The following C3orf85 variants were observed in gnomAD, a reference collection of about 807,000 sequenced individuals.
C3orf85 encodes the protein chromosome 3 open reading frame 85, also known as uncharacterized protein C3orf85.
C3orf85 carries 1 observed loss-of-function variant against 1.7 expected under a neutral mutation model. That is an observed-to-expected ratio of 0.60 (90% CI 0.21 to 2.86). C3orf85 has a LOEUF of 2.86. C3orf85 is among the 30% of genes most tolerant of loss of function. C3orf85 has a pLI of 0.22. For synonymous variants in C3orf85, 17 were observed against 8.0 expected (o/e 2.13, Z -1.90); for missense variants, 29 against 21.3 (o/e 1.36, Z -0.72).
intron 2 of C3orf85, among the ~76,000 whole-genome samples, chr3:109,137,633 G>GTATA (rs1377271344): frequency 9.5e-5 from 5 of 52,464 alleles, no homozygotes; most frequent in East Asian, 1.0e-3. Context: ...GTGTGTGTGT[G>GTATA]TGTGTATATA....
At position 109,150,875 on chromosome 3, in the gene C3orf85, G is replaced by C. The variant is rs1258781082; in HGVS notation, c.*981G>C. ...GAAACATTTCCCTAAGACCTTAGTT[G>C]ATCTTATGTGGTCTTAAAACAATCT... On this transcript the variant is annotated 3_prime_UTR_variant, in exon 4 of 4. Transcript: ENST00000622536. 6.6e-6 allele frequency among the ~76,000 whole-genome samples: 1 copy of C among 152,058 alleles called. No individual in the cohort carries two copies. The highest frequency in any genetic ancestry group is 1.5e-5 in the Non-Finnish European group (1 of 68,012).
chr3:109,146,532 G>A (rs778417313), intron 2 of C3orf85, among the ~76,000 whole-genome samples: 10 of 152,160 alleles, frequency 6.6e-5, no homozygotes, highest in Admixed American at 4.6e-4. Flanking sequence ...AATGGGGGCT[G>A]CAGTCATCTG....
Position 109,150,199 on chromosome 3 carries a change from AGT to A in C3orf85, c.*306_*307del. ...GAAAGCAAAAACATAAACAAAGAAA[AGT>A]AGTTTCATTAAACCACTCTGTTCAT... On this transcript the variant is annotated 3_prime_UTR_variant, in exon 4 of 4. Transcript: ENST00000622536. 5.4e-6 allele frequency: 1 copy of A among 184,604 alleles called. No individual in the cohort carries two copies. Among genetic ancestry groups the A allele is most frequent in the Non-Finnish European group, 1.1e-5 (1 of 89,716 alleles). The allele number at this position is 184,604 out of a possible 1,614,324, so 11.4% of individuals were successfully genotyped here. A position where few individuals can be genotyped will look rare whatever the true frequency, so the allele number is the denominator to read the frequency against.
intron 2 of C3orf85, among the ~76,000 whole-genome samples, 174 bp downstream of exon 2, chr3:109,137,070 C>CTGTGTGTGTG (rs3054419): frequency 0.03 from 4,423 of 149,828 alleles, 206 homozygotes; most frequent in African/African-American, 0.099. Flanking sequence ...TTAATGTTAA[C>CTGTGTGTGTG]TGTGTGTGTG....
intron 2 of C3orf85, among the ~76,000 whole-genome samples, chr3:109,140,510 G>C (rs1417396217): frequency 2.6e-5 from 4 of 152,142 alleles, no homozygotes; most frequent in Non-Finnish European, 5.9e-5. Context: ...ATACTTGGTT[G>C]TCTCAATGTC....
At chr3:109,141,825 T>C (rs1401245508) in intron 2 of C3orf85, among the ~76,000 whole-genome samples, 1 of 151,762 alleles carries the variant, frequency 6.6e-6, no homozygotes, top group Non-Finnish European at 1.5e-5. Flanking sequence ...AGGTTAGGAG[T>C]TCAAGACCAG....
intron 2 of C3orf85, among the ~76,000 whole-genome samples, chr3:109,141,753 G>A (rs1160325677): frequency 6.6e-6 from 1 of 152,198 alleles, no homozygotes; most frequent in African/African-American, 2.4e-5. Flanking sequence ...TACTTAGTGG[G>A]GCGTGGTGGC....
intron 2 of C3orf85, among the ~76,000 whole-genome samples, chr3:109,142,547 G>T (rs548559577): frequency 1.0e-3 from 156 of 152,184 alleles, no homozygotes; most frequent in African/African-American, 3.5e-3. Flanking sequence ...CCTCTCCTAT[G>T]GATCTGCCCA....
intron 2 of C3orf85, among the ~76,000 whole-genome samples, chr3:109,138,094 T>G (rs1223759317): frequency 6.6e-6 from 1 of 152,178 alleles, no homozygotes; most frequent in Non-Finnish European, 1.5e-5. Flanking sequence ...TTCTGCAAAA[T>G]TTTTAAAGAG....
intron 2 of C3orf85, 75 bp downstream of exon 2, chr3:109,136,971 A>G (rs1007140915): frequency 2.5e-6 from 1 of 401,554 alleles, no homozygotes; most frequent in African/African-American, 2.0e-5. Context: ...GTCTTCTTAA[A>G]GAAATGAACA....
chr3:109,148,155 A>G, intron 2 of C3orf85, 98 bp from the exon 3 acceptor site: 1 of 616,346 alleles, frequency 1.6e-6, no homozygotes, highest in Non-Finnish European at 2.9e-6. Flanking sequence ...TCAGGCCCCC[A>G]GCCTACCAAA....
intron 2 of C3orf85, among the ~76,000 whole-genome samples, chr3:109,142,805 C>T (rs1315129553): frequency 6.6e-6 from 1 of 151,954 alleles, no homozygotes; most frequent in Non-Finnish European, 1.5e-5. Context: ...AAATAGCACC[C>T]TTCTTCTTTG....
chr3:109,141,798 C>G (rs4855581), intron 2 of C3orf85, among the ~76,000 whole-genome samples: 133,771 of 152,262 alleles, frequency 0.88, 58,832 homozygotes, highest in East Asian at 0.93. Flanking sequence ...GGGAGGCAAA[C>G]GCAGGCAGAT....
At chr3:109,144,053 T>A (rs1448978146) in intron 2 of C3orf85, among the ~76,000 whole-genome samples, 1 of 152,186 alleles carries the variant, frequency 6.6e-6, no homozygotes, top group African/African-American at 2.4e-5. Context: ...ATATTTTTCA[T>A]AGCTGATGAT....
chr3:109,148,427 T>C (rs1706824577), intron 3 of C3orf85, 41 bp downstream of exon 3: 1 of 701,994 alleles, frequency 1.4e-6, no homozygotes, highest in Non-Finnish European at 2.6e-6. Flanking sequence ...CCATTTATCT[T>C]TTTAAATAGT....
chr3:109,148,067 G>A (rs1275860164), intron 2 of C3orf85, among the ~76,000 whole-genome samples, 186 bp from the exon 3 acceptor site: 1 of 152,148 alleles, frequency 6.6e-6, no homozygotes, highest in Non-Finnish European at 1.5e-5. Context: ...GTCAAATTGA[G>A]TGGTTAGCAT....
At chr3:109,148,152 C>T in intron 2 of C3orf85, 101 bp from the exon 3 acceptor site, 1 of 615,502 alleles carries the variant, frequency 1.6e-6, no homozygotes, top group South Asian at 2.0e-5. Context: ...TCCTCAGGCC[C>T]CCAGCCTACC....
intron 2 of C3orf85, among the ~76,000 whole-genome samples, chr3:109,137,385 T>C (rs1005248838): frequency 8.6e-5 from 13 of 152,044 alleles, no homozygotes; most frequent in African/African-American, 2.9e-4. Context: ...GGTAACTCAG[T>C]GGCTTCTATC....
In C3orf85 at chr3:109,136,979, A is replaced by G. The variant is rs202080567; in HGVS notation, c.49+83A>G. 7.7e-5 allele frequency: 31 copies of G among 401,000 alleles called. No homozygotes were observed. In the East Asian group the frequency reaches 9.9e-4, roughly 13 times the overall value. 24.8% of individuals were successfully genotyped at this position (401,000 alleles called of 1,614,324 possible). On this transcript the variant is annotated intron_variant, in intron 2 of 3. Transcript: ENST00000622536. The stretch of plus-strand genomic sequence containing the variant: ...TCCTTTTGTCTTCTTAAAGAAATGA[A>G]CAAACACGTTTTTATCCATAGGCCT...
Sources: allele counts gnomAD v4.1 joint callset (sites outside exome capture counted in the v4.1 genomes callset), GRCh38; gene constraint gnomAD v4.1.1; transcripts MANE v1.5; gene names NCBI Gene and HGNC (gene_info 2026-07-23, HGNC 2026-07-21).